Variants in PKD2 observed in about 807,000 individuals in gnomAD.
PKD2 encodes polycystin-2.
Under a neutral mutation model 105.9 loss-of-function variants are expected in PKD2, and 48 were observed. The ratio of observed to expected loss-of-function variants is 0.45; its 90% CI spans 0.36 to 0.58. PKD2 has a LOEUF of 0.58. Among genes scored for constraint, PKD2 ranks in the 20% least tolerant of loss-of-function variants. PKD2 has a pLI of 0.00. For synonymous variants in PKD2, 464 were observed against 481.1 expected (o/e 0.96, Z 0.46); for missense variants, 1,078 against 1,255.3 (o/e 0.86, Z 2.13).
At chr4:88,070,382 G>T (rs752967899) in intron 13 of PKD2, among the ~76,000 whole-genome samples, 7 of 151,538 alleles carry the variant, frequency 4.6e-5, no homozygotes, top group Non-Finnish European at 8.8e-5. Flanking sequence ...TTTGGGACCC[G>T]CATTATGCAT....
At chr4:88,008,404 G>A in intron 1 of PKD2, 76 bp downstream of exon 1, 2 of 1,451,460 alleles carry the variant, frequency 1.4e-6, no homozygotes, top group South Asian at 1.3e-5. Flanking sequence ...CGCCCGCTGC[G>A]GCAGCTCCCC....
intron 2 of PKD2, among the ~76,000 whole-genome samples, chr4:88,031,603 G>T (rs1727155069): frequency 6.6e-6 from 1 of 152,042 alleles, no homozygotes; most frequent in South Asian, 2.1e-4. Flanking sequence ...TGGCCCAAGG[G>T]TTATTAAGAG....
At chr4:88,044,791 G>A (rs571210505) in intron 5 of PKD2, among the ~76,000 whole-genome samples, 17 of 152,186 alleles carry the variant, frequency 1.1e-4, no homozygotes, top group Admixed American at 5.9e-4. Context: ...CCACTTGTGC[G>A]TTCATGGCGG....
At chr4:88,023,271 A>G (rs868483148) in intron 2 of PKD2, among the ~76,000 whole-genome samples, 27 of 152,274 alleles carry the variant, frequency 1.8e-4, no homozygotes, top group African/African-American at 6.5e-4. Flanking sequence ...CTTGCACATC[A>G]TGTGGCAAAA....
intron 12 of PKD2, among the ~76,000 whole-genome samples, chr4:88,067,526 G>C (rs879819923): frequency 1.3e-5 from 2 of 152,032 alleles, no homozygotes; most frequent in Non-Finnish European, 2.9e-5. Flanking sequence ...TGTGGAGGCA[G>C]AGTCTCACCT....
intron 12 of PKD2, among the ~76,000 whole-genome samples, chr4:88,066,514 A>G (rs1720803140): frequency 6.6e-6 from 1 of 152,044 alleles, no homozygotes; most frequent in Non-Finnish European, 1.5e-5. Flanking sequence ...GGCACATGCC[A>G]TCATGCCCGG....
At chr4:88,047,428 G>A (rs908798644) in intron 6 of PKD2, among the ~76,000 whole-genome samples, 48 of 152,022 alleles carry the variant, frequency 3.2e-4, no homozygotes, top group African/African-American at 1.1e-3. Context: ...AGGCATGGTG[G>A]CACACACCTG....
At position 88,076,402 on chromosome 4, in the gene PKD2, A is replaced by G. The variant is rs1721236218; in HGVS notation, c.*708A>G. 1 of 152,280 alleles carries G rather than the reference A, an allele frequency of 6.6e-6. No homozygotes were observed. Among genetic ancestry groups the G allele is most frequent in the African/African-American group, 2.4e-5 (1 of 41,454 alleles). 9.4% of individuals were successfully genotyped at this position (152,280 alleles called of 1,614,324 possible). On this transcript the variant is annotated 3_prime_UTR_variant, in exon 15 of 15. Transcript: ENST00000237596. ...CCACCAAAGATCAGTTATAGGATAA[A>G]ATGGCATCTCTAACCATAACACAGG...
chr4:88,075,386 T>C (rs977235128), intron 14 of PKD2, 72 bp from the exon 15 acceptor site: 24 of 1,064,144 alleles, frequency 2.3e-5, no homozygotes, highest in Non-Finnish European at 3.4e-5. Flanking sequence ...AACTACAGAT[T>C]ATTTGGTCCC....
At chr4:88,030,359 A>G (rs1028896356) in intron 2 of PKD2, among the ~76,000 whole-genome samples, 2 of 151,122 alleles carry the variant, frequency 1.3e-5, no homozygotes, top group African/African-American at 4.9e-5. Context: ...CTGTTCTTGA[A>G]CTCTTGGGCT....
At chr4:88,048,017 G>T (rs1029193412) in intron 6 of PKD2, among the ~76,000 whole-genome samples, 7 of 152,152 alleles carry the variant, frequency 4.6e-5, no homozygotes, top group African/African-American at 9.6e-5. Flanking sequence ...GTGTATAAAA[G>T]AATTTTTACA....
At chr4:88,065,990 ACTCT>A (rs144763357) in intron 12 of PKD2, 111 bp downstream of exon 12, 12 of 735,830 alleles carry the variant, frequency 1.6e-5, no homozygotes, top group East Asian at 2.6e-5. Flanking sequence ...TCCCCACCAC[ACTCT>A]CTCTCTCTCT....
At chr4:88,029,452 C>T (rs978169175) in intron 2 of PKD2, among the ~76,000 whole-genome samples, 1 of 151,978 alleles carries the variant, frequency 6.6e-6, no homozygotes, top group Non-Finnish European at 1.5e-5. Context: ...GGTAACATGC[C>T]CCAGCCTGAA....
chr4:88,045,926 CAT>C (rs1171799313), intron 5 of PKD2, among the ~76,000 whole-genome samples: 4 of 152,120 alleles, frequency 2.6e-5, no homozygotes, highest in Non-Finnish European at 5.9e-5. Context: ...CCAGATTACA[CAT>C]GTTTTGAGTG....
chr4:88,030,269 C>G (rs1727098805), intron 2 of PKD2, among the ~76,000 whole-genome samples: 1 of 152,082 alleles, frequency 6.6e-6, no homozygotes, highest in South Asian at 2.1e-4. Context: ...CTCAGCCTCC[C>G]ATGTAGTTGG....
At chr4:88,016,224 G>A (rs1365803793) in intron 1 of PKD2, among the ~76,000 whole-genome samples, 1 of 152,106 alleles carries the variant, frequency 6.6e-6, no homozygotes, top group East Asian at 1.9e-4. Flanking sequence ...TGGGGACTGG[G>A]GACCCTGCTT....
chr4:88,041,830 A>G (rs987632279), intron 4 of PKD2, among the ~76,000 whole-genome samples: 1 of 152,168 alleles, frequency 6.6e-6, no homozygotes, highest in Non-Finnish European at 1.5e-5. Context: ...GATGCCAGCC[A>G]AAGTCCAACC....
intron 1 of PKD2, among the ~76,000 whole-genome samples, chr4:88,016,135 A>T (rs1381303421): frequency 6.6e-6 from 1 of 152,128 alleles, no homozygotes; most frequent in East Asian, 1.9e-4. Flanking sequence ...TCGGGCGGTA[A>T]TGCTCACTTG....
intron 4 of PKD2, among the ~76,000 whole-genome samples, chr4:88,041,450 A>G (rs1418485772): frequency 6.6e-6 from 1 of 152,196 alleles, no homozygotes; most frequent in Non-Finnish European, 1.5e-5. Flanking sequence ...GCTAAGGTTT[A>G]TTATGGTGAA....
Sources: allele counts gnomAD v4.1 joint callset (sites outside exome capture counted in the v4.1 genomes callset), GRCh38; gene constraint gnomAD v4.1.1; transcripts MANE v1.5; gene names NCBI Gene and HGNC (gene_info 2026-07-23, HGNC 2026-07-21).